GPSM1: variants seen among roughly 807,000 people sequenced by gnomAD.
GPSM1 encodes the protein G protein-signaling modulator 1.
A neutral mutation model predicts 70.5 loss-of-function variants in GPSM1; 48 were observed. The ratio of observed to expected loss-of-function variants is 0.68; its 90% CI spans 0.54 to 0.87. GPSM1 has a LOEUF of 0.87. Among genes scored for constraint, GPSM1 ranks in the 40% least tolerant of loss-of-function variants. The probability of loss-of-function intolerance (pLI) is 0.00; values close to 1 mark genes in which losing one functional copy is unlikely to be tolerated. For synonymous variants in GPSM1, 416 were observed against 430.1 expected (o/e 0.97, Z 0.41); for missense variants, 981 against 972.6 (o/e 1.01, Z -0.11).
rs1221076498 is a variant in GPSM1, at chr9:136,343,103, C to T, written c.1207+2110C>T. On this transcript the variant is annotated intron_variant, in intron 9 of 13. Transcript: ENST00000440944. The surrounding 1 kb of genome is among the most constrained non-coding windows in gnomAD (Gnocchi z 6.0). ...CCCCTCCCCAGCCAGCAGAGAAGCC[C>T]CAGAAGTGTGTCTGGGGGTCACCAC... 1.3e-5 allele frequency among the ~76,000 whole-genome samples: 2 copies of T among 152,126 alleles called. No individual in the cohort carries two copies. Among genetic ancestry groups the T allele is most frequent in the African/African-American group, 4.8e-5 (2 of 41,422 alleles).
At chr9:136,331,363 A>AGCC (rs1832093647) in intron 1 of GPSM1, among the ~76,000 whole-genome samples, 1 of 105,538 alleles carries the variant, frequency 9.5e-6, no homozygotes, top group South Asian at 3.1e-4. Context: ...GAGGACTCTG[A>AGCC]GCCCCCCCCC....
Position 136,348,734 on chromosome 9 carries a change from G to A in GPSM1, c.1245G>A (p.Glu415=). ...AGAGGACGCAGAGGCTGAGCGCGGA[G>A]ACCTGGGACCTGCTGAGACTCCCCC... ...RPKRTQRLSA[E]TWDLLRLPLE... Residue 415 remains glutamate (E), a synonymous_variant, in exon 10 of 14, where the codon GAG becomes GAA. Transcript: ENST00000440944. The A allele has an allele frequency of 1.2e-6, 2 of 1,612,374 alleles. No individual in the cohort carries two copies. Among genetic ancestry groups the A allele is most frequent in the Non-Finnish European group, 8.5e-7 (1 of 1,179,604 alleles).
intron 6 of GPSM1, 39 bp downstream of exon 6, chr9:136,338,000 C>CG (rs782609846): frequency 6.8e-5 from 92 of 1,350,434 alleles, no homozygotes; most frequent in Admixed American, 1.3e-4. Flanking sequence ...GACAGCAGGC[C>CG]GGGGGGGCTG....
intron 9 of GPSM1, among the ~76,000 whole-genome samples, chr9:136,345,535 C>G (rs553233295): frequency 1.3e-5 from 2 of 152,234 alleles, no homozygotes; most frequent in Non-Finnish European, 2.9e-5. Context: ...GCATTTCAGC[C>G]GCTGCTGCAG....
At chr9:136,337,190 A>G (rs1375213306) in intron 4 of GPSM1, 118 bp downstream of exon 4, 2 of 1,107,390 alleles carry the variant, frequency 1.8e-6, no homozygotes, top group South Asian at 1.6e-5. Context: ...CAGGGCAGTG[A>G]CGGCCAGGTC....
At position 136,355,621 on chromosome 9, in the gene GPSM1, G is replaced by C. The variant is rs1335335803; in HGVS notation, c.1456-69G>C. 5 of 1,445,688 alleles carry C rather than the reference G, an allele frequency of 3.5e-6. No homozygotes were observed. The African/African-American group carries it at 4.2e-5, about 12-fold the overall frequency. 89.6% of individuals were successfully genotyped at this position (1,445,688 alleles called of 1,614,324 possible). A position where few individuals can be genotyped will look rare whatever the true frequency, so the allele number is the denominator to read the frequency against. Reference sequence around the variant, plus strand: ...TCAGAAGTGTGTGTGGCCTGGGCAAGCAGCCCCCGGTCTCGTCTGGGGGTC... The same window carrying C: ...TCAGAAGTGTGTGTGGCCTGGGCAACCAGCCCCCGGTCTCGTCTGGGGGTC... On this transcript the variant is annotated intron_variant, in intron 11 of 13. Transcript: ENST00000440944.
chr9:136,334,592 C>T lies in GPSM1; in HGVS notation c.214C>T (p.Leu72=). 1 of 1,613,324 alleles carries T rather than the reference C, an allele frequency of 6.2e-7. No homozygotes were observed. Among genetic ancestry groups the T allele is most frequent in the South Asian group, 1.1e-5 (1 of 91,090 alleles). Residue 72 remains leucine, a synonymous_variant, in exon 2 of 14, where the codon CTG becomes TTG. Coordinates refer to ENST00000440944, the MANE Select transcript of GPSM1 (RefSeq NM_001145638.3). Reference sequence around the variant, plus strand: ...GACACTGAGTGCCATCTACAGCCAGCTGGGCAACGCCTACTTCTACCTGAA... The same window carrying T: ...GACACTGAGTGCCATCTACAGCCAGTTGGGCAACGCCTACTTCTACCTGAA... ...LKTLSAIYSQ[L]GNAYFYLKEH... is the part of the protein sequence containing the mutation.
intron 10 of GPSM1, 53 bp from the exon 11 acceptor site, chr9:136,349,533 TG>T (rs1251727218): frequency 6.8e-7 from 1 of 1,478,322 alleles, no homozygotes; most frequent in Admixed American, 2.1e-5. Flanking sequence ...GGTCCTGGGA[TG>T]GGGACATTGG....
rs1043049213 is a variant in GPSM1, at chr9:136,340,353, T to C, written c.1084-517T>C. On this transcript the variant is annotated intron_variant, in intron 8 of 13. Transcript: ENST00000440944. The surrounding 1 kb of genome is among the most constrained non-coding windows in gnomAD (Gnocchi z 7.3). Reference sequence around the variant, plus strand: ...AGAGCCCTCGTCTGAAGAGCTTCACTGGCAGCCAGCAGGCAGCCCCCGTGT... The same window carrying C: ...AGAGCCCTCGTCTGAAGAGCTTCACCGGCAGCCAGCAGGCAGCCCCCGTGT... Among the ~76,000 whole-genome samples, 2 of 152,042 alleles carry C rather than the reference T, an allele frequency of 1.3e-5. No individual in the cohort carries two copies. The highest frequency in any genetic ancestry group is 4.8e-5 in the African/African-American group (2 of 41,394).
chr9:136,333,243 G>A (rs566096285), intron 1 of GPSM1, among the ~76,000 whole-genome samples: 4 of 152,296 alleles, frequency 2.6e-5, no homozygotes, highest in East Asian at 1.9e-4. Flanking sequence ...ATGGGGGCCC[G>A]CCTGCTCACA....
chr9:136,354,954 GAC>G, intron 11 of GPSM1: 2 of 1,037,392 alleles, frequency 1.9e-6, no homozygotes, highest in Non-Finnish European at 2.3e-6. Flanking sequence ...GCAGGTGACG[GAC>G]AGAGGCCTGG....
intron 9 of GPSM1, among the ~76,000 whole-genome samples, chr9:136,345,004 G>A (rs1208074004): frequency 1.3e-5 from 2 of 152,234 alleles, no homozygotes; most frequent in East Asian, 3.8e-4. Context: ...CGGCTCCAGG[G>A]AGGTGAGGAG....
intron 9 of GPSM1, among the ~76,000 whole-genome samples, chr9:136,346,098 C>T (rs1832516293): frequency 6.6e-6 from 1 of 152,220 alleles, no homozygotes; most frequent in East Asian, 1.9e-4. Context: ...TCCCAGTGTC[C>T]TGCTCAGGCC....
Position 136,341,809 on chromosome 9 carries a change from ATTT to A in GPSM1, c.1207+819_1207+821del. The A allele has an allele frequency of 1.0e-6, 1 of 974,884 alleles. No individual in the cohort carries two copies. The highest frequency in any genetic ancestry group is 4.7e-5 in the South Asian group (1 of 21,066). The allele number at this position is 974,884 out of a possible 1,614,324, so 60.4% of individuals were successfully genotyped here. A position where few individuals can be genotyped will look rare whatever the true frequency, so the allele number is the denominator to read the frequency against. On this transcript the variant is annotated intron_variant, in intron 9 of 13. Coordinates refer to ENST00000440944, the MANE Select transcript of GPSM1 (RefSeq NM_001145638.3). This position sits in a 1 kb window ranked among gnomAD's most constrained non-coding sequence, Gnocchi z 6.7. ...TGCCGGAGTTTCTTTTTCTTATCTT[ATTT>A]TTAATAATTAAATGTTTTTATAGAG...
Position 136,327,782 on chromosome 9 carries a change from G to GGGGCCGGGGCCGGGGCTGGGACC in GPSM1, c.68+22_68+44dup, listed in dbSNP as rs1832009103. ...ACTCCAGGTAGGACGGGCCGGGGCCGGGGCCGGGGCCGGGGCTGGGACCGG... is the reference window on the plus strand; with the variant it reads ...ACTCCAGGTAGGACGGGCCGGGGCCGGGGCCGGGGCCGGGGCTGGGACCGGGCCGGGGCCGGGGCTGGGACCGG... On this transcript the variant is annotated intron_variant, in intron 1 of 13. Transcript: ENST00000440944. 9.6e-7 allele frequency: 1 copy of GGGGCCGGGGCCGGGGCTGGGACC among 1,038,180 alleles called. No homozygotes were observed. The highest frequency in any genetic ancestry group is 1.7e-5 in the African/African-American group (1 of 59,864). The allele number at this position is 1,038,180 out of a possible 1,614,324, so 64.3% of individuals were successfully genotyped here.
At chr9:136,346,039 G>T (rs1287239299) in intron 9 of GPSM1, among the ~76,000 whole-genome samples, 1 of 152,236 alleles carries the variant, frequency 6.6e-6, no homozygotes, top group Non-Finnish European at 1.5e-5. Context: ...TGGGAGCCCT[G>T]CCCCGGGCGT....
At chr9:136,345,389 C>T (rs1554771112) in intron 9 of GPSM1, among the ~76,000 whole-genome samples, 1 of 152,222 alleles carries the variant, frequency 6.6e-6, no homozygotes, top group East Asian at 1.9e-4. Flanking sequence ...GGGCGCTGGA[C>T]TCACACTCAA....
At chr9:136,336,263 G>A (rs1039113793) in intron 3 of GPSM1, among the ~76,000 whole-genome samples, 162 bp downstream of exon 3, 6 of 152,160 alleles carry the variant, frequency 3.9e-5, no homozygotes, top group Middle Eastern at 3.4e-3. Flanking sequence ...GGAGAGTGTG[G>A]GCCCCCAAAA....
At chr9:136,334,754 G>C in intron 2 of GPSM1, 86 bp downstream of exon 2, 1 of 1,112,714 alleles carries the variant, frequency 9.0e-7, no homozygotes, top group Non-Finnish European at 1.3e-6. Flanking sequence ...TGGGTGAGTG[G>C]GGCGGCCCTG....
Sources: allele counts gnomAD v4.1 joint callset (sites outside exome capture counted in the v4.1 genomes callset), GRCh38; gene constraint gnomAD v4.1.1; non-coding constraint Gnocchi (gnomAD v3.1); transcripts MANE v1.5; gene names NCBI Gene and HGNC (gene_info 2026-07-23, HGNC 2026-07-21).